TFPI2: variants seen among roughly 807,000 people sequenced by gnomAD.
The protein encoded by TFPI2 is tissue factor pathway inhibitor 2.
Under a neutral mutation model 23.1 loss-of-function variants are expected in TFPI2, and 23 were observed. The ratio of observed to expected loss-of-function variants is 1.00; its 90% CI spans 0.72 to 1.41. The LOEUF (loss-of-function observed/expected upper bound fraction) is 1.41. Among genes scored for constraint, TFPI2 ranks in the 40% most tolerant of loss-of-function variants. TFPI2 has a pLI of 0.00. For missense variants in TFPI2, 291 were observed against 299.6 expected, an observed-to-expected ratio of 0.97 and a Z score of 0.21; for synonymous variants, 119 against 111.7, an observed-to-expected ratio of 1.07 and a Z score of -0.41.
chr7:93,888,664 GAAAA>G (rs35683220), intron 3 of TFPI2, among the ~76,000 whole-genome samples: 1 of 141,198 alleles, frequency 7.1e-6, no homozygotes, highest in Non-Finnish European at 1.5e-5. Context: ...AGAGAAAGAA[GAAAA>G]AAAAAAAAAT....
intron 3 of TFPI2, among the ~76,000 whole-genome samples, chr7:93,888,513 A>AAAAG (rs1031747134): frequency 1.8e-4 from 23 of 129,072 alleles, no homozygotes; most frequent in African/African-American, 4.0e-4. Context: ...AGAAAGAAAG[A>AAAAG]AAAGAAAGAA....
rs772024492 is a variant in TFPI2 at position 93,890,329 on chromosome 7, G to A, written c.89-10C>T. 1 of 1,597,908 alleles carries A rather than the reference G, an allele frequency of 6.3e-7. No individual in the cohort carries two copies. The highest frequency in any genetic ancestry group is 2.3e-5 in the East Asian group (1 of 44,400). Reference sequence around the variant, plus strand: ...ATCTCCGCGTTATTTCCTGAAGAAGGGGCAGAAGGAGAGCAAAAGAGAGGG... The same window carrying A: ...ATCTCCGCGTTATTTCCTGAAGAAGAGGCAGAAGGAGAGCAAAAGAGAGGG... On this transcript the variant is annotated splice_polypyrimidine_tract_variant and intron_variant, in intron 1 of 4. Coordinates refer to ENST00000222543, the MANE Select transcript of TFPI2 (RefSeq NM_006528.4).
intron 2 of TFPI2, 83 bp from the exon 3 acceptor site, chr7:93,889,306 G>A (rs1385203285): frequency 1.6e-6 from 2 of 1,281,718 alleles, no homozygotes; most frequent in Non-Finnish European, 1.1e-6. Flanking sequence ...GCAACATTTT[G>A]TGGGGGGAGA....
Position 93,890,624 on chromosome 7 carries a change from C to T in TFPI2, c.55G>A (p.Ala19Thr). ...LSILLLFLTE[A>T]ALGDAAQEPT... Reference sequence around the variant, plus strand: ...TCCTGAGCAGCATCGCCCAGTGCAGCCTCCGTCAGGAAAAGCAGCAGAATC... The same window carrying T: ...TCCTGAGCAGCATCGCCCAGTGCAGTCTCCGTCAGGAAAAGCAGCAGAATC... Residue 19 changes from alanine (A) to threonine (T), a missense_variant, in exon 1 of 5, where the codon GCT (alanine) becomes ACT (threonine). Ala to Thr is a moderately conservative substitution (Grantham distance 58). Transcript: ENST00000222543. 1 of 1,613,532 alleles carries T rather than the reference C, an allele frequency of 6.2e-7. No individual in the cohort carries two copies. Among genetic ancestry groups the T allele is most frequent in the Non-Finnish European group, 8.5e-7 (1 of 1,179,860 alleles).
At position 93,885,564 on chromosome 7, in the gene TFPI2, T is replaced by C. The variant is rs1793972622; in HGVS notation, c.*1256A>G. On this transcript the variant is annotated 3_prime_UTR_variant, in exon 5 of 5. Transcript: ENST00000222543. Reference sequence around the variant, plus strand: ...GTAAACATTTTTAATATCTTTAGTATCTTCTGTGATGTTTGTGTATATGTG... The same window carrying C: ...GTAAACATTTTTAATATCTTTAGTACCTTCTGTGATGTTTGTGTATATGTG... 1 of 152,056 alleles carries C rather than the reference T, an allele frequency of 6.6e-6. No homozygotes were observed. The highest frequency in any genetic ancestry group is 1.9e-4 in the East Asian group (1 of 5,194). 9.4% of individuals were successfully genotyped at this position (152,056 alleles called of 1,614,324 possible).
Position 93,887,440 on chromosome 7 carries a change from A to C in TFPI2, c.461-9T>G, listed in dbSNP as rs1794017209. On this transcript the variant is annotated splice_polypyrimidine_tract_variant and intron_variant, in intron 3 of 4. Coordinates refer to ENST00000222543, the MANE Select transcript of TFPI2 (RefSeq NM_006528.4). ...GTAGCAAAATGATGGAACTTTATAA[A>C]AAAGAGAAGAAAATTAGAAATGTTA... 1.3e-6 allele frequency: 2 copies of C among 1,598,674 alleles called. No homozygotes were observed. Among genetic ancestry groups the C allele is most frequent in the Non-Finnish European group, 8.5e-7 (1 of 1,173,792 alleles).
Position 93,886,943 on chromosome 7 carries a change from A to G in TFPI2, c.632-47T>C, listed in dbSNP as rs371899895. 57 of 1,336,410 alleles carry G rather than the reference A, an allele frequency of 4.3e-5. No homozygotes were observed. The African/African-American group carries it at 7.4e-4, about 17-fold the overall frequency. 82.8% of individuals were successfully genotyped at this position (1,336,410 alleles called of 1,614,324 possible). On this transcript the variant is annotated intron_variant, in intron 4 of 4. Transcript: ENST00000222543. ...TGAAAATCATACATCTCCAGTCTGT[A>G]GGCTCACTATAAATCACTATTTCTG...
At chr7:93,887,839 C>G (rs1794026468) in intron 3 of TFPI2, among the ~76,000 whole-genome samples, 1 of 152,148 alleles carries the variant, frequency 6.6e-6, no homozygotes, top group Non-Finnish European at 1.5e-5. Context: ...ATAATATATG[C>G]ATACTAATTT....
chr7:93,890,492 T>C, intron 1 of TFPI2, 99 bp downstream of exon 1: 1 of 1,465,874 alleles, frequency 6.8e-7, no homozygotes, highest in Non-Finnish European at 9.2e-7. Flanking sequence ...GGCAGGGACC[T>C]GGAGAAAGCG....
rs769061988 is a variant in TFPI2 at position 93,890,229 on chromosome 7, C to T, written c.179G>A (p.Ser60Asn). ...GCCCCCGTACAGGAACTGGCGGCAG[C>T]TCTGCGTGTACCTGTCGTAGTAGTA... ...LRYYYDRYTQSCRQFLYGGCE... is the reference protein window; with the variant it reads ...LRYYYDRYTQNCRQFLYGGCE... Residue 60 changes from serine (S) to asparagine (N), a missense_variant, in exon 2 of 5, where the codon AGC becomes AAC. Ser to Asn is a conservative substitution (Grantham distance 46). Coordinates refer to ENST00000222543, the MANE Select transcript of TFPI2 (RefSeq NM_006528.4). 1 of 1,614,066 alleles carries T rather than the reference C, an allele frequency of 6.2e-7. No homozygotes were observed. The highest frequency in any genetic ancestry group is 8.5e-7 in the Non-Finnish European group (1 of 1,179,918).
At position 93,890,230 on chromosome 7, in the gene TFPI2, T is replaced by G; in HGVS notation, c.178A>C (p.Ser60Arg). 1 of 1,614,044 alleles carries G rather than the reference T, an allele frequency of 6.2e-7. No homozygotes were observed. Residue 60 changes from serine to arginine, a missense_variant, in exon 2 of 5, where the codon AGC becomes CGC. By Grantham distance (110) the Ser-to-Arg change is moderately radical (BLOSUM62 -1). Transcript: ENST00000222543. ...CCCCCGTACAGGAACTGGCGGCAGC[T>G]CTGCGTGTACCTGTCGTAGTAGTAA... ...LRYYYDRYTQ[S>R]CRQFLYGGCE...
Position 93,890,752 on chromosome 7 carries a change from C to T in TFPI2, c.-74G>A. 1 of 1,402,110 alleles carries T rather than the reference C, an allele frequency of 7.1e-7. No homozygotes were observed. Among genetic ancestry groups the T allele is most frequent in the Non-Finnish European group, 9.7e-7 (1 of 1,026,364 alleles). 86.9% of individuals were successfully genotyped at this position (1,402,110 alleles called of 1,614,324 possible). Reference sequence around the variant, plus strand: ...CTGGCGGGAGGAGGTGCGCGGCTTTCTGCTCCAGGCGGCCCGGGTGCCCGC... The same window carrying T: ...CTGGCGGGAGGAGGTGCGCGGCTTTTTGCTCCAGGCGGCCCGGGTGCCCGC... On this transcript the variant is annotated 5_prime_UTR_variant, in exon 1 of 5. Transcript: ENST00000222543.
rs1477492575 is a variant in TFPI2 at position 93,886,131 on chromosome 7, C to T, written c.*689G>A. The T allele has an allele frequency of 6.6e-6, 1 of 151,930 alleles. No individual in the cohort carries two copies. Among genetic ancestry groups the T allele is most frequent in the Non-Finnish European group, 1.5e-5 (1 of 67,874 alleles). The allele number at this position is 151,930 out of a possible 1,614,324, so 9.4% of individuals were successfully genotyped here. The stretch of plus-strand genomic sequence containing the variant: ...CACAATGTCTTAGGAAATAATTTAA[C>T]AATAGGAAAACCCTTAAAACCATCT... On this transcript the variant is annotated 3_prime_UTR_variant, in exon 5 of 5. Coordinates refer to ENST00000222543, the MANE Select transcript of TFPI2 (RefSeq NM_006528.4).
chr7:93,888,543 A>ACG (rs1446521867), intron 3 of TFPI2, among the ~76,000 whole-genome samples: 3 of 110,066 alleles, frequency 2.7e-5, no homozygotes, highest in Admixed American at 1.9e-4. Flanking sequence ...GAAGGAAGGA[A>ACG]AGAAGGAAGG....
At chr7:93,888,612 A>AG (rs1439446112) in intron 3 of TFPI2, among the ~76,000 whole-genome samples, 3 of 150,544 alleles carry the variant, frequency 2.0e-5, no homozygotes, top group African/African-American at 7.4e-5. Flanking sequence ...AGAAAGAGAA[A>AG]AAGAAAGGAG....
intron 4 of TFPI2, 131 bp downstream of exon 4, chr7:93,887,130 G>A (rs1317108401): frequency 1.8e-5 from 17 of 925,208 alleles, no homozygotes; most frequent in Middle Eastern, 3.0e-4. Context: ...TTAACACTAC[G>A]GAGATACTTA....
rs910953039 is a variant in TFPI2, at chr7:93,886,077, GT to G, written c.*742del. The G allele has an allele frequency of 4.6e-5, 7 of 151,824 alleles. No homozygotes were observed. Among genetic ancestry groups the G allele is most frequent in the African/African-American group, 1.4e-4 (6 of 41,384 alleles). 9.4% of individuals were successfully genotyped at this position (151,824 alleles called of 1,614,324 possible). On this transcript the variant is annotated 3_prime_UTR_variant, in exon 5 of 5. Transcript: ENST00000222543. The stretch of plus-strand genomic sequence containing the variant: ...CATTTGAAAAACTTTACTTTCCTTG[GT>G]TTTTTATAAGTTTAGTGGTCTCCAA...
intron 1 of TFPI2, 71 bp from the exon 2 acceptor site, chr7:93,890,390 A>G (rs1000956366): frequency 6.6e-7 from 1 of 1,519,688 alleles, no homozygotes; most frequent in Middle Eastern, 1.8e-4. Flanking sequence ...AGGAAAGAAC[A>G]TCCCGGGGAG....
At chr7:93,886,993 C>T (rs1794005658) in intron 4 of TFPI2, 97 bp from the exon 5 acceptor site, 1 of 961,728 alleles carries the variant, frequency 1.0e-6, no homozygotes, top group Non-Finnish European at 1.5e-6. Context: ...CTCACTTCAT[C>T]TTATTTTTAA....
Sources: allele counts gnomAD v4.1 joint callset (sites outside exome capture counted in the v4.1 genomes callset), GRCh38; gene constraint gnomAD v4.1.1; transcripts MANE v1.5; gene names NCBI Gene and HGNC (gene_info 2026-07-23, HGNC 2026-07-21).